BMERB1: variants seen among roughly 807,000 people sequenced by gnomAD.
BMERB1 encodes the protein bMERB domain containing 1.
Under a neutral mutation model 23.6 loss-of-function variants are expected in BMERB1, and 12 were observed. The observed-to-expected ratio is 0.51, with a 90% CI of 0.33 to 0.82. The LOEUF (loss-of-function observed/expected upper bound fraction) is 0.82, where lower values mean the gene tolerates loss of function less well. BMERB1 is among the 40% of genes least tolerant of loss of function. BMERB1 has a pLI of 0.03. For synonymous variants in BMERB1, 122 were observed against 96.6 expected, an observed-to-expected ratio of 1.26 and a Z score of -1.54; for missense variants, 247 against 255.4, an observed-to-expected ratio of 0.97 and a Z score of 0.22.
chr16:15,487,284 A>G (rs2051376765), intron 1 of BMERB1, among the ~76,000 whole-genome samples: 1 of 152,194 alleles, frequency 6.6e-6, no homozygotes, highest in African/African-American at 2.4e-5. Context: ...CTAGCAGGAA[A>G]AACCAATTGT....
intron 3 of BMERB1, among the ~76,000 whole-genome samples, chr16:15,571,574 T>C (rs1474012136): frequency 6.6e-6 from 1 of 152,074 alleles, no homozygotes; most frequent in Non-Finnish European, 1.5e-5. Context: ...CAGGATGGTC[T>C]CGATCTCCTG....
intron 1 of BMERB1, among the ~76,000 whole-genome samples, chr16:15,496,790 G>C (rs536601011): frequency 1.3e-4 from 19 of 151,998 alleles, no homozygotes; most frequent in Non-Finnish European, 2.1e-4. Context: ...TGCCCGCCTC[G>C]GCCTCCCAAA....
chr16:15,461,911 G>GTAACA (rs1326766273), intron 1 of BMERB1, among the ~76,000 whole-genome samples: 1 of 151,968 alleles, frequency 6.6e-6, no homozygotes, highest in African/African-American at 2.4e-5. Context: ...TCCAGCCTGG[G>GTAACA]TAACAGGAAG....
intron 1 of BMERB1, among the ~76,000 whole-genome samples, chr16:15,444,033 G>A (rs933303338): frequency 2.0e-5 from 3 of 151,044 alleles, no homozygotes; most frequent in Non-Finnish European, 4.4e-5. Context: ...TTCAAAAGAG[G>A]AAGAGTGTAG....
chr16:15,484,045 G>C (rs1268428906), intron 1 of BMERB1, among the ~76,000 whole-genome samples: 2 of 152,204 alleles, frequency 1.3e-5, no homozygotes, highest in Non-Finnish European at 2.9e-5. Flanking sequence ...CACATGTCAA[G>C]AGAGAGGAAG....
At chr16:15,520,700 G>C (rs898984010) in intron 2 of BMERB1, among the ~76,000 whole-genome samples, 1 of 151,928 alleles carries the variant, frequency 6.6e-6, no homozygotes, top group African/African-American at 2.4e-5. Context: ...TGTTAGCCAG[G>C]ATGGTCTCGA....
At chr16:15,442,894 A>G (rs1398350024) in intron 1 of BMERB1, among the ~76,000 whole-genome samples, 1 of 152,192 alleles carries the variant, frequency 6.6e-6, no homozygotes, top group African/African-American at 2.4e-5. Flanking sequence ...GGAATAAGAC[A>G]GAATCCCAGC....
chr16:15,499,621 G>T (rs1368622839), intron 1 of BMERB1, among the ~76,000 whole-genome samples: 1 of 152,018 alleles, frequency 6.6e-6, no homozygotes, highest in Non-Finnish European at 1.5e-5. Context: ...GAGTCCACCT[G>T]GGAAGGGCAT....
intron 1 of BMERB1, among the ~76,000 whole-genome samples, chr16:15,502,671 T>C (rs1227537023): frequency 6.6e-6 from 1 of 152,090 alleles, no homozygotes; most frequent in Non-Finnish European, 1.5e-5. Context: ...CATTCAGATA[T>C]TGGCTCCCTG....
chr16:15,496,492 A>G (rs896189847), intron 1 of BMERB1, among the ~76,000 whole-genome samples: 1 of 152,176 alleles, frequency 6.6e-6, no homozygotes, highest in African/African-American at 2.4e-5. Flanking sequence ...GCTATTATGA[A>G]ATGAACAAAT....
chr16:15,575,651 C>A (rs879682888), intron 3 of BMERB1, among the ~76,000 whole-genome samples: 3 of 152,090 alleles, frequency 2.0e-5, no homozygotes, highest in Non-Finnish European at 4.4e-5. Context: ...AATGAAAGTA[C>A]ACTCCATAGG....
chr16:15,578,330 C>G (rs1029040715), intron 3 of BMERB1, among the ~76,000 whole-genome samples: 2 of 151,370 alleles, frequency 1.3e-5, no homozygotes, highest in Non-Finnish European at 2.9e-5. Context: ...TCCCAAGTAG[C>G]TGGGATTACA....
chr16:15,483,717 C>T (rs756975781), intron 1 of BMERB1, among the ~76,000 whole-genome samples: 2 of 152,176 alleles, frequency 1.3e-5, no homozygotes, highest in African/African-American at 2.4e-5. Flanking sequence ...CTCTGCTGAT[C>T]TACAACTATG....
chr16:15,581,997 G>A (rs2031025248), intron 4 of BMERB1, among the ~76,000 whole-genome samples: 1 of 152,320 alleles, frequency 6.6e-6, no homozygotes. Flanking sequence ...TGTGTTCTCA[G>A]AGACCTTTCT....
chr16:15,555,294 G>A (rs1311969517), intron 2 of BMERB1, among the ~76,000 whole-genome samples: 2 of 151,948 alleles, frequency 1.3e-5, no homozygotes, highest in East Asian at 3.9e-4. Flanking sequence ...GGCTAATCTC[G>A]AACTCCTGGA....
At chr16:15,544,248 G>A (rs894855966) in intron 2 of BMERB1, among the ~76,000 whole-genome samples, 4 of 152,128 alleles carry the variant, frequency 2.6e-5, no homozygotes, top group African/African-American at 4.8e-5. Context: ...CCATTTTACT[G>A]GTTCCCTCAT....
At chr16:15,507,273 G>C (rs201513119) in intron 1 of BMERB1, among the ~76,000 whole-genome samples, 1 of 152,098 alleles carries the variant, frequency 6.6e-6, no homozygotes, top group Admixed American at 6.6e-5. Context: ...CCTGTCCCTG[G>C]GTAGCCTTAC....
At chr16:15,437,906 C>G (rs201908727) in intron 1 of BMERB1, among the ~76,000 whole-genome samples, 12 of 150,550 alleles carry the variant, frequency 8.0e-5, no homozygotes, top group African/African-American at 1.9e-4. Context: ...TGCAGTGAGC[C>G]GAGATTGCAC....
At chr16:15,566,863 G>T (rs955543922) in intron 2 of BMERB1, among the ~76,000 whole-genome samples, 2 of 151,912 alleles carry the variant, frequency 1.3e-5, no homozygotes, top group African/African-American at 2.4e-5. Context: ...TGTCATATAT[G>T]ATATTATAAG....
Sources: gnomAD v4.1 joint callset for allele counts (sites outside exome capture counted in the v4.1 genomes callset) on GRCh38, gnomAD v4.1.1 for gene constraint, MANE v1.5 for transcripts, NCBI Gene and HGNC (gene_info 2026-07-23, HGNC 2026-07-21) for gene names.